Variants in GTF2H1 observed in about 807,000 individuals in gnomAD.
GTF2H1 encodes the protein general transcription factor IIH subunit 1.
GTF2H1 carries 16 observed loss-of-function variants against 71.2 expected under a neutral mutation model. The ratio of observed to expected loss-of-function variants is 0.22; its 90% CI spans 0.15 to 0.34. The LOEUF is 0.34. Ranked by LOEUF, GTF2H1 falls within the 10% of genes least tolerant of loss-of-function variation. The pLI is 1.00. For missense variants in GTF2H1, 498 were observed against 648.2 expected, an observed-to-expected ratio of 0.77 and a Z score of 2.52; for synonymous variants, 215 against 219.0, an observed-to-expected ratio of 0.98 and a Z score of 0.16.
At chr11:18,338,444 T>C (rs939159361) in intron 4 of GTF2H1, among the ~76,000 whole-genome samples, 170 bp downstream of exon 4, 1 of 152,002 alleles carries the variant, frequency 6.6e-6, no homozygotes, top group Non-Finnish European at 1.5e-5. Context: ...TTATGTTTGT[T>C]TGTTTGTTTG....
chr11:18,352,402 A>G lies in GTF2H1; in HGVS notation c.1216A>G (p.Ser406Gly). ...TCAGGACATTATTAATTCTTTTCAA[A>G]GTATTAGACAAGAAATGGAAGCTTA... Reference protein sequence around the residue: ...TSQDIINSFQSIRQEMEAYTP... With the variant: ...TSQDIINSFQGIRQEMEAYTP... The change falls in exon 11 of 15, where the codon AGT becomes GGT. Residue 406 changes from serine (S) to glycine (G), a missense_variant. Around this residue, in one of 3 missense-constraint regions of GTF2H1, gnomAD observed 266 missense variants for 301.6 expected, o/e 0.88. Transcript: ENST00000265963. The G allele has an allele frequency of 6.3e-7, 1 of 1,574,932 alleles. No individual in the cohort carries two copies. Among genetic ancestry groups the G allele is most frequent in the East Asian group, 2.2e-5 (1 of 44,574 alleles).
Position 18,323,827 on chromosome 11 carries a change from T to C in GTF2H1, c.-16+1087T>C, listed in dbSNP as rs189324235. Among the ~76,000 whole-genome samples, 35 of 152,312 alleles carry C rather than the reference T, an allele frequency of 2.3e-4. No homozygotes were observed. The East Asian group carries it at 6.4e-3, about 28-fold the overall frequency. On this transcript the variant is annotated intron_variant, in intron 1 of 14. Coordinates refer to ENST00000265963, the MANE Select transcript of GTF2H1 (RefSeq NM_005316.4). ...CAGTTTGAAAACCACTGAACTGGAC[T>C]TAGGTAATTAAGCCAAAGTTGCCAA...
In GTF2H1 at chr11:18,341,427, G is replaced by T. The variant is rs1346177570; in HGVS notation, c.757+17G>T. 1.2e-6 allele frequency: 2 copies of T among 1,613,086 alleles called. No individual in the cohort carries two copies. The highest frequency in any genetic ancestry group is 2.2e-5 in the South Asian group (2 of 90,814). ...ATGAAAAAGGTAACTGTTTATCTCT[G>T]ATAGACACTGGTATTTAACTTGCCA... On this transcript the variant is annotated intron_variant, in intron 6 of 14. Transcript: ENST00000265963.
chr11:18,334,219 CAT>C (rs1304210101), intron 2 of GTF2H1, among the ~76,000 whole-genome samples: 1 of 152,108 alleles, frequency 6.6e-6, no homozygotes, highest in Non-Finnish European at 1.5e-5. Flanking sequence ...CTCTACTAAA[CAT>C]ACAAAAAAAT....
At chr11:18,343,685 C>G (rs1865216814) in intron 7 of GTF2H1, among the ~76,000 whole-genome samples, 1 of 152,228 alleles carries the variant, frequency 6.6e-6, no homozygotes, top group African/African-American at 2.4e-5. Flanking sequence ...CATCTCCTCT[C>G]AGGTATTTCA....
intron 11 of GTF2H1, 147 bp downstream of exon 11, chr11:18,352,593 G>T: frequency 2.0e-6 from 1 of 488,462 alleles, no homozygotes; most frequent in Non-Finnish European, 3.7e-6. Context: ...TCAAGAGGTA[G>T]CAAGAAAAGG....
intron 7 of GTF2H1, among the ~76,000 whole-genome samples, chr11:18,344,147 A>G (rs1446637229): frequency 6.6e-6 from 1 of 152,108 alleles, no homozygotes; most frequent in Non-Finnish European, 1.5e-5. Context: ...TGTTATGTCC[A>G]GCATTCAGTG....
chr11:18,333,325 T>C (rs1864945579), intron 2 of GTF2H1, 97 bp downstream of exon 2: 1 of 923,814 alleles, frequency 1.1e-6, no homozygotes, highest in African/African-American at 1.7e-5. Flanking sequence ...TATCAAAAAA[T>C]CAACTATGTA....
At chr11:18,345,752 G>A (rs942901568) in intron 7 of GTF2H1, among the ~76,000 whole-genome samples, 2 of 149,424 alleles carry the variant, frequency 1.3e-5, no homozygotes, top group African/African-American at 4.9e-5. Context: ...GCCTCCCAAA[G>A]TGGTGGGATT....
At chr11:18,332,183 G>T (rs181138379) in intron 1 of GTF2H1, among the ~76,000 whole-genome samples, 36 of 152,234 alleles carry the variant, frequency 2.4e-4, no homozygotes, top group Admixed American at 1.6e-3. Context: ...TCACTTATTT[G>T]CCCAGGGCAA....
chr11:18,330,619 G>T (rs561451109), intron 1 of GTF2H1, among the ~76,000 whole-genome samples: 9 of 152,294 alleles, frequency 5.9e-5, no homozygotes, highest in Non-Finnish European at 7.4e-5. Flanking sequence ...CATGAAGAAA[G>T]GCTGACTTGT....
In GTF2H1 at chr11:18,366,116, TACAC is replaced by T. The variant is rs753746601; in HGVS notation, c.*257_*260del. 1.2e-5 allele frequency: 6 copies of T among 493,796 alleles called. No homozygotes were observed. The highest frequency in any genetic ancestry group is 2.2e-5 in the Non-Finnish European group (6 of 274,160). The allele number at this position is 493,796 out of a possible 1,614,324, so 30.6% of individuals were successfully genotyped here. ...GAGCTAAGTTGCAAATATATATATA[TACAC>T]ACACACACATATATGTACATGTGTA... On this transcript the variant is annotated 3_prime_UTR_variant, in exon 15 of 15. Coordinates refer to ENST00000265963, the MANE Select transcript of GTF2H1 (RefSeq NM_005316.4).
intron 14 of GTF2H1, among the ~76,000 whole-genome samples, chr11:18,362,554 A>AG (rs1865727087): frequency 6.6e-6 from 1 of 151,704 alleles, no homozygotes; most frequent in Non-Finnish European, 1.5e-5. Context: ...TAAAACACCC[A>AG]TTGTATAGCT....
chr11:18,328,391 A>G (rs1864817718), intron 1 of GTF2H1, among the ~76,000 whole-genome samples: 1 of 151,332 alleles, frequency 6.6e-6, no homozygotes. Flanking sequence ...AGGAACCTGT[A>G]ATCCCAGCTA....
chr11:18,326,470 C>T (rs1390487468), intron 1 of GTF2H1, among the ~76,000 whole-genome samples: 1 of 151,122 alleles, frequency 6.6e-6, no homozygotes, highest in Admixed American at 6.6e-5. Flanking sequence ...TGCAGTAAGC[C>T]GAAATGAGGC....
chr11:18,360,545 A>T, intron 13 of GTF2H1, 70 bp from the exon 14 acceptor site: 1 of 707,220 alleles, frequency 1.4e-6, no homozygotes, highest in Non-Finnish European at 2.4e-6. Flanking sequence ...TCATATGTAG[A>T]AGATTGTTTT....
At chr11:18,361,757 A>G (rs746450992) in intron 14 of GTF2H1, among the ~76,000 whole-genome samples, 3 of 152,198 alleles carry the variant, frequency 2.0e-5, no homozygotes, top group Non-Finnish European at 2.9e-5. Context: ...GCACAAACCT[A>G]GCAGCGTAAG....
chr11:18,338,881 T>C (rs773634622), intron 4 of GTF2H1, among the ~76,000 whole-genome samples: 1 of 152,240 alleles, frequency 6.6e-6, no homozygotes, highest in Admixed American at 6.5e-5. Flanking sequence ...AATGACTCTT[T>C]CAGAGTTTGG....
chr11:18,328,175 C>T (rs1864808964), intron 1 of GTF2H1, among the ~76,000 whole-genome samples: 1 of 144,888 alleles, frequency 6.9e-6, no homozygotes, highest in Non-Finnish European at 1.5e-5. Context: ...TGCACTCCAG[C>T]CTGGGTGACA....
Sources: gnomAD v4.1 joint callset for allele counts (sites outside exome capture counted in the v4.1 genomes callset) on GRCh38, gnomAD v4.1.1 for gene constraint, gnomAD v4.1.1 regional missense constraint, MANE v1.5 for transcripts, NCBI Gene and HGNC (gene_info 2026-07-23, HGNC 2026-07-21) for gene names.